ARHGEF12: variants seen among roughly 807,000 people sequenced by gnomAD.
ARHGEF12 encodes the protein KMT2A/ARHGEF12 fusion protein.
A neutral mutation model predicts 211.2 loss-of-function variants in ARHGEF12; 66 were observed. The ratio of observed to expected loss-of-function variants is 0.31; its 90% CI spans 0.26 to 0.38. The LOEUF is 0.38. Ranked by LOEUF, ARHGEF12 falls within the 10% of genes least tolerant of loss-of-function variation. The pLI, the probability that ARHGEF12 is intolerant of heterozygous loss-of-function variation, is 1.00. For missense variants in ARHGEF12, 1,429 were observed against 1,869.5 expected, an observed-to-expected ratio of 0.76 and a Z score of 4.34; for synonymous variants, 592 against 638.4, an observed-to-expected ratio of 0.93 and a Z score of 1.09.
chr11:120,437,211 T>C (rs1211771541), intron 11 of ARHGEF12, 97 bp from the exon 12 acceptor site: 1 of 759,156 alleles, frequency 1.3e-6, no homozygotes, highest in African/African-American at 1.8e-5. Context: ...TAAATACAAA[T>C]ATGAAATTCA....
At chr11:120,348,627 A>T (rs1344212381) in intron 1 of ARHGEF12, among the ~76,000 whole-genome samples, 1 of 152,140 alleles carries the variant, frequency 6.6e-6, no homozygotes, top group African/African-American at 2.4e-5. Flanking sequence ...GGATCACCTG[A>T]GGTTGGGAGT....
intron 1 of ARHGEF12, among the ~76,000 whole-genome samples, chr11:120,359,789 C>A (rs1943230897): frequency 6.6e-6 from 1 of 152,084 alleles, no homozygotes; most frequent in African/African-American, 2.4e-5. Flanking sequence ...GCTGGAGGAA[C>A]AGCTACAGGG....
intron 15 of ARHGEF12, among the ~76,000 whole-genome samples, chr11:120,443,696 G>C (rs1945952394): frequency 6.6e-6 from 1 of 152,006 alleles, no homozygotes; most frequent in South Asian, 2.1e-4. Context: ...TATTTAGTTA[G>C]TTAGTTTGTT....
chr11:120,396,564 T>C (rs1944395920), intron 1 of ARHGEF12, among the ~76,000 whole-genome samples: 1 of 152,198 alleles, frequency 6.6e-6, no homozygotes, highest in Non-Finnish European at 1.5e-5. Flanking sequence ...CACGTATATA[T>C]GGAAAACTGA....
chr11:120,427,033 C>T (rs781076301), intron 7 of ARHGEF12, among the ~76,000 whole-genome samples: 6 of 152,090 alleles, frequency 3.9e-5, no homozygotes, highest in Non-Finnish European at 8.8e-5. Flanking sequence ...TGTGCCACCA[C>T]GCCCGGCTAA....
Position 120,480,362 on chromosome 11 carries a change from A to T in ARHGEF12, c.4169A>T (p.Asp1390Val). The T allele has an allele frequency of 6.2e-7, 1 of 1,614,220 alleles. No homozygotes were observed. The highest frequency in any genetic ancestry group is 8.5e-7 in the Non-Finnish European group (1 of 1,180,038). The change falls in exon 38 of 41, where the codon GAT becomes GTT. Residue 1390 changes from aspartate to valine, a missense_variant. By Grantham distance (152) the Asp-to-Val change is radical (BLOSUM62 -3). Coordinates refer to ENST00000397843, the MANE Select transcript of ARHGEF12 (RefSeq NM_015313.3). Reference protein sequence around the residue: ...HFFDAREAHSDENPSEGDGAV... With the variant: ...HFFDAREAHSVENPSEGDGAV... The stretch of plus-strand genomic sequence containing the variant: ...TTTGATGCCCGTGAAGCACATAGTG[A>T]TGAGAATCCATCAGAAGGTGATGGA...
In ARHGEF12 at chr11:120,484,497, C is replaced by G; in HGVS notation, c.4614C>G (p.Asp1538Glu). 6.2e-7 allele frequency: 1 copy of G among 1,614,012 alleles called. No individual in the cohort carries two copies. The highest frequency in any genetic ancestry group is 8.5e-7 in the Non-Finnish European group (1 of 1,179,930). The change falls in exon 40 of 41, where the codon GAC becomes GAG. Residue 1538 changes from aspartate to glutamate, a missense_variant. Coordinates refer to ENST00000397843, the MANE Select transcript of ARHGEF12 (RefSeq NM_015313.3). ...CQRLAGSALT[D>E]KHSDKS ...GGCTGGCTGGATCAGCCCTCACAGACAAGCACTCAGGTATGTAAAAGTTAT... is the reference window on the plus strand; with the variant it reads ...GGCTGGCTGGATCAGCCCTCACAGAGAAGCACTCAGGTATGTAAAAGTTAT...
At chr11:120,337,600 G>T (rs1258458417) in intron 1 of ARHGEF12, 11 of 985,274 alleles carry the variant, frequency 1.1e-5, no homozygotes, top group Non-Finnish European at 1.3e-5. Flanking sequence ...TTAGGTGAAG[G>T]TCGGTGCCTG....
chr11:120,453,034 G>C (rs1946259934), intron 22 of ARHGEF12, among the ~76,000 whole-genome samples: 1 of 150,844 alleles, frequency 6.6e-6, no homozygotes, highest in Non-Finnish European at 1.5e-5. Flanking sequence ...AAAACGACAA[G>C]ATAATGGTCC....
chr11:120,448,564 G>T, intron 20 of ARHGEF12: 4 of 543,726 alleles, frequency 7.4e-6, no homozygotes, highest in Non-Finnish European at 1.3e-5. Flanking sequence ...AGTGAAATTA[G>T]CAGTTTACAA....
At chr11:120,442,696 A>T (rs1945915622) in intron 15 of ARHGEF12, among the ~76,000 whole-genome samples, 1 of 152,122 alleles carries the variant, frequency 6.6e-6, no homozygotes, top group Non-Finnish European at 1.5e-5. Flanking sequence ...AAAAGTGTTA[A>T]TAAGGTTTTT....
intron 21 of ARHGEF12, 69 bp downstream of exon 21, chr11:120,449,283 C>A: frequency 8.0e-7 from 1 of 1,242,776 alleles, no homozygotes. Flanking sequence ...GCTTCTTCAG[C>A]TAGAATGAAT....
intron 1 of ARHGEF12, among the ~76,000 whole-genome samples, chr11:120,364,691 AC>A (rs1260505523): frequency 3.9e-5 from 6 of 152,240 alleles, no homozygotes; most frequent in Non-Finnish European, 8.8e-5. Flanking sequence ...TTTCAAGTAA[AC>A]CTTAGTGAGG....
At chr11:120,409,175 ATATTTT>A (rs368612733) in intron 3 of ARHGEF12, 38 of 522,714 alleles carry the variant, frequency 7.3e-5, no homozygotes, top group African/African-American at 6.5e-4. Flanking sequence ...TTGTTTGAAC[ATATTTT>A]TATTGCACTG....
intron 8 of ARHGEF12, among the ~76,000 whole-genome samples, chr11:120,429,170 T>A (rs923364541): frequency 2.2e-4 from 33 of 152,326 alleles, no homozygotes; most frequent in Non-Finnish European, 1.5e-5. Context: ...ACTATTCTTA[T>A]ACTAAGACAA....
chr11:120,408,521 T>G (rs1415157038), intron 3 of ARHGEF12: 2 of 152,158 alleles, frequency 1.3e-5, no homozygotes, highest in Non-Finnish European at 2.9e-5. Flanking sequence ...CTGATATATA[T>G]TTTTTGTGCA....
chr11:120,464,580 A>G (rs1254784500), intron 27 of ARHGEF12: 4 of 145,082 alleles, frequency 2.8e-5, no homozygotes, highest in Non-Finnish European at 6.1e-5. Context: ...AGACTGTCTG[A>G]AAAAAAAAAA....
chr11:120,353,607 C>T (rs1313590450), intron 1 of ARHGEF12, among the ~76,000 whole-genome samples: 1 of 152,168 alleles, frequency 6.6e-6, no homozygotes, highest in Non-Finnish European at 1.5e-5. Context: ...ATACCTGGCC[C>T]CTACCCACTG....
intron 27 of ARHGEF12, 124 bp from the exon 28 acceptor site, chr11:120,465,113 A>AT: frequency 8.2e-7 from 1 of 1,216,486 alleles, no homozygotes; most frequent in Non-Finnish European, 1.2e-6. Flanking sequence ...TTCCACATAG[A>AT]TATGCAGTTC....
Sources: allele counts gnomAD v4.1 joint callset (sites outside exome capture counted in the v4.1 genomes callset), GRCh38; gene constraint gnomAD v4.1.1; transcripts MANE v1.5; gene names NCBI Gene and HGNC (gene_info 2026-07-23, HGNC 2026-07-21).